TNPO3: variants seen among roughly 807,000 people sequenced by gnomAD.
TNPO3 encodes transportin 3, also known as transportin-3.
A neutral mutation model predicts 122.8 loss-of-function variants in TNPO3; 65 were observed. The observed-to-expected ratio is 0.53, with a 90% CI of 0.43 to 0.65. The LOEUF is 0.65. TNPO3 is among the 30% of genes least tolerant of loss of function. The pLI is 0.00. For missense variants in TNPO3, 850 were observed against 1,136.7 expected (o/e 0.75, Z 3.63); for synonymous variants, 372 against 411.2 (o/e 0.90, Z 1.15).
intron 1 of TNPO3, among the ~76,000 whole-genome samples, chr7:129,047,147 C>A (rs899281934): frequency 2.0e-5 from 3 of 152,208 alleles, no homozygotes; most frequent in Non-Finnish European, 4.4e-5. Context: ...GCTGCATACA[C>A]CCATGCTGAA....
At position 128,967,262 on chromosome 7, in the gene TNPO3, A is replaced by G; in HGVS notation, c.2711+18T>C. On this transcript the variant is annotated intron_variant, in intron 21 of 22. Transcript: ENST00000265388. ...TCCCACATCCCACACCTCCTTAAGA[A>G]CCCCCAGTATCACTCACCTAGTGAC... The G allele has an allele frequency of 6.8e-7, 1 of 1,469,830 alleles. No individual in the cohort carries two copies. Among genetic ancestry groups the G allele is most frequent in the Non-Finnish European group, 9.5e-7 (1 of 1,049,092 alleles). 91.0% of individuals were successfully genotyped at this position (1,469,830 alleles called of 1,614,324 possible).
At chr7:128,967,706 T>C (rs1054066715) in intron 20 of TNPO3, among the ~76,000 whole-genome samples, 1 of 152,104 alleles carries the variant, frequency 6.6e-6, no homozygotes, top group Admixed American at 6.6e-5. Flanking sequence ...ATAACGTATA[T>C]GACATATATA....
At chr7:129,043,363 C>T (rs1807635256) in intron 1 of TNPO3, among the ~76,000 whole-genome samples, 1 of 152,068 alleles carries the variant, frequency 6.6e-6, no homozygotes, top group African/African-American at 2.4e-5. Flanking sequence ...TGTGATCCTG[C>T]CACTGCACTC....
At chr7:129,011,387 A>T (rs1008411723) in intron 4 of TNPO3, among the ~76,000 whole-genome samples, 2 of 152,222 alleles carry the variant, frequency 1.3e-5, no homozygotes, top group African/African-American at 2.4e-5. Context: ...TCTGTCGCTC[A>T]GGCTGGAGTG....
intron 1 of TNPO3, 110 bp downstream of exon 1, chr7:129,054,541 C>G: frequency 6.6e-7 from 1 of 1,521,124 alleles, no homozygotes; most frequent in Non-Finnish European, 8.8e-7. Flanking sequence ...GCAGCTCCTC[C>G]CCAAGGAGGA....
At chr7:129,007,340 T>C (rs74973211) in intron 4 of TNPO3, among the ~76,000 whole-genome samples, 6,764 of 152,240 alleles carry the variant, frequency 0.044, 205 homozygotes, top group Middle Eastern at 0.1. Flanking sequence ...CTTACATACA[T>C]AGAACAAAGA....
intron 14 of TNPO3, 109 bp from the exon 15 acceptor site, chr7:128,980,140 A>T: frequency 1.1e-6 from 1 of 929,952 alleles, no homozygotes; most frequent in South Asian, 1.3e-5. Flanking sequence ...AAATAAAGAA[A>T]ACCAGATGAT....
At chr7:129,034,894 C>CAAAA (rs1219082555) in intron 1 of TNPO3, among the ~76,000 whole-genome samples, 38 of 48,306 alleles carry the variant, frequency 7.9e-4, no homozygotes, top group Non-Finnish European at 1.3e-3. Context: ...GACTCTGTCT[C>CAAAA]AAAAAAAAAA....
intron 16 of TNPO3, among the ~76,000 whole-genome samples, chr7:128,977,412 A>C (rs12531711): frequency 4.6e-4 from 70 of 152,258 alleles, no homozygotes; most frequent in African/African-American, 1.7e-3. Context: ...GCATATAGTG[A>C]AAGTAGAGAA....
chr7:129,033,535 G>C (rs1806196471), intron 1 of TNPO3, among the ~76,000 whole-genome samples: 1 of 152,062 alleles, frequency 6.6e-6, no homozygotes, highest in Admixed American at 6.6e-5. Flanking sequence ...ATGGAAAAGG[G>C]GATGGAGGCT....
At chr7:128,968,996 G>A (rs1320409051) in intron 20 of TNPO3, among the ~76,000 whole-genome samples, 1 of 152,140 alleles carries the variant, frequency 6.6e-6, no homozygotes, top group Non-Finnish European at 1.5e-5. Flanking sequence ...AAAGTATTGG[G>A]AAGACAGGCA....
chr7:129,008,165 G>A (rs2150402477), intron 4 of TNPO3, among the ~76,000 whole-genome samples: 1 of 151,488 alleles, frequency 6.6e-6, no homozygotes, highest in East Asian at 1.9e-4. Flanking sequence ...AAAGAAGGAA[G>A]AATGGCAGGA....
intron 22 of TNPO3, 55 bp downstream of exon 22, chr7:128,957,169 G>C: frequency 6.8e-7 from 1 of 1,480,576 alleles, no homozygotes; most frequent in Non-Finnish European, 9.4e-7. Context: ...CCCATTCCCA[G>C]GCATCCCCAA....
At chr7:128,999,574 A>C (rs750368675) in intron 7 of TNPO3, among the ~76,000 whole-genome samples, 6 of 151,658 alleles carry the variant, frequency 4.0e-5, no homozygotes, top group Non-Finnish European at 7.4e-5. Flanking sequence ...AAACAGAGCT[A>C]TTTAAAACAA....
rs372690182 is a variant in TNPO3 at position 128,989,986 on chromosome 7, G to A, written c.1473C>T (p.Val491=). ...SIELVGEMSE[V]VDRNPQFLDP... ...CAAGGAACTGAGGATTTCGATCAAC[G>A]ACTTCACTCATCTCTCCAACCAATT... Residue 491 remains valine, a synonymous_variant, in exon 11 of 23, where the codon GTC becomes GTT. Transcript: ENST00000265388. 23 of 1,614,166 alleles carry A rather than the reference G, an allele frequency of 1.4e-5. No homozygotes were observed. In the South Asian group the frequency reaches 2.1e-4, roughly 15 times the overall value.
At chr7:129,016,960 TAG>T in intron 3 of TNPO3, 21 bp downstream of exon 3, 1 of 1,609,840 alleles carries the variant, frequency 6.2e-7, no homozygotes. Context: ...AATGCTAATA[TAG>T]AGTCAATACA....
At chr7:129,027,594 A>AAAAAT (rs1805396560) in intron 1 of TNPO3, among the ~76,000 whole-genome samples, 1 of 93,636 alleles carries the variant, frequency 1.1e-5, no homozygotes, top group Non-Finnish European at 2.4e-5. Context: ...AAAAAAAACA[A>AAAAAT]CACAAAAAAT....
At chr7:128,993,752 G>A (rs1284533469) in intron 9 of TNPO3, 55 bp downstream of exon 9, 16 of 1,428,752 alleles carry the variant, frequency 1.1e-5, no homozygotes, top group Non-Finnish European at 1.5e-5. Flanking sequence ...AGACACAGAA[G>A]TGAATACAAT....
chr7:129,018,968 C>T (rs1260811640), intron 1 of TNPO3, among the ~76,000 whole-genome samples: 2 of 152,206 alleles, frequency 1.3e-5, no homozygotes, highest in Non-Finnish European at 2.9e-5. Context: ...ATCCCCCTGC[C>T]TCGGCCTCCC....
Sources: gnomAD v4.1 joint callset for allele counts (sites outside exome capture counted in the v4.1 genomes callset) on GRCh38, gnomAD v4.1.1 for gene constraint, MANE v1.5 for transcripts, NCBI Gene and HGNC (gene_info 2026-07-23, HGNC 2026-07-21) for gene names.